The following PELI2 variants were observed in gnomAD, a reference collection of about 807,000 sequenced individuals.
The protein encoded by PELI2 is E3 ubiquitin-protein ligase pellino homolog 2.
In PELI2, 23 loss-of-function variants were observed where a neutral mutation model predicts 42.3. That is an observed-to-expected ratio of 0.54 (90% CI 0.39 to 0.77). The LOEUF is 0.77. Among genes scored for constraint, PELI2 ranks in the 30% least tolerant of loss-of-function variants. The pLI, the probability that PELI2 is intolerant of heterozygous loss-of-function variation, is 0.00. For missense variants in PELI2, 463 were observed against 553.2 expected (o/e 0.84, Z 1.64); for synonymous variants, 245 against 212.2 (o/e 1.15, Z -1.34).
At chr14:56,232,633 C>T (rs1040342368) in intron 2 of PELI2, among the ~76,000 whole-genome samples, 1 of 151,740 alleles carries the variant, frequency 6.6e-6, no homozygotes, top group Non-Finnish European at 1.5e-5. Flanking sequence ...CTATTTATGA[C>T]AAACCCCCAG....
At chr14:56,258,447 G>T (rs1029060375) in intron 2 of PELI2, among the ~76,000 whole-genome samples, 6 of 152,108 alleles carry the variant, frequency 3.9e-5, no homozygotes, top group Non-Finnish European at 8.8e-5. Flanking sequence ...AGACAAGAAG[G>T]TTAAAATAGC....
intron 1 of PELI2, among the ~76,000 whole-genome samples, chr14:56,159,720 C>T (rs1290222347): frequency 6.6e-6 from 1 of 151,944 alleles, no homozygotes; most frequent in Non-Finnish European, 1.5e-5. Flanking sequence ...ACTTAAGTGG[C>T]GATATTTTGG....
In PELI2 at chr14:56,298,837, G is replaced by A. The variant is rs1197903581; in HGVS notation, c.*1671G>A. The A allele has an allele frequency of 1.3e-5, 2 of 152,268 alleles. No individual in the cohort carries two copies. The highest frequency in any genetic ancestry group is 6.6e-5 in the Admixed American group (1 of 15,266). 9.4% of individuals were successfully genotyped at this position (152,268 alleles called of 1,614,324 possible). The stretch of plus-strand genomic sequence containing the variant: ...CATTGTTTAGGATGAGACATTTTTG[G>A]TTTTGGTTTTGTTTGGGTAAATTTT... On this transcript the variant is annotated 3_prime_UTR_variant, in exon 6 of 6. Transcript: ENST00000267460.
At chr14:56,200,849 ATTGT>A (rs1886309977) in intron 2 of PELI2, among the ~76,000 whole-genome samples, 1 of 152,062 alleles carries the variant, frequency 6.6e-6, no homozygotes, top group Non-Finnish European at 1.5e-5. Context: ...AAACATTCTG[ATTGT>A]TTGCCTCATA....
chr14:56,220,222 A>G (rs917594253), intron 2 of PELI2, among the ~76,000 whole-genome samples: 1 of 152,302 alleles, frequency 6.6e-6, no homozygotes, highest in Non-Finnish European at 1.5e-5. Flanking sequence ...GCAGTGGGCC[A>G]CACTGCAGGA....
chr14:56,234,563 G>C lies in PELI2; in HGVS notation c.208-45113G>C, dbSNP rs574232606. Among the ~76,000 whole-genome samples, 9 of 152,232 alleles carry C rather than the reference G, an allele frequency of 5.9e-5. No individual in the cohort carries two copies. The South Asian group carries it at 1.7e-3, about 28-fold the overall frequency. On this transcript the variant is annotated intron_variant, in intron 2 of 5. Transcript: ENST00000267460. ...GGGAATTGAACAATGAGAACACTTGGACACAGGGTGGGGAACATCGCACAC... is the reference window on the plus strand; with the variant it reads ...GGGAATTGAACAATGAGAACACTTGCACACAGGGTGGGGAACATCGCACAC...
intron 3 of PELI2, among the ~76,000 whole-genome samples, chr14:56,284,144 T>G (rs1889572395): frequency 6.6e-6 from 1 of 152,058 alleles, no homozygotes; most frequent in African/African-American, 2.4e-5. Context: ...ACTGTTGGAG[T>G]CAGTTAGTAG....
At chr14:56,213,627 A>G (rs372678232) in intron 2 of PELI2, among the ~76,000 whole-genome samples, 1 of 152,158 alleles carries the variant, frequency 6.6e-6, no homozygotes, top group African/African-American at 2.4e-5. Context: ...GTGTTTTAGG[A>G]TGGAGGAAGC....
chr14:56,186,758 T>G (rs1244705848), intron 2 of PELI2, among the ~76,000 whole-genome samples: 1 of 152,212 alleles, frequency 6.6e-6, no homozygotes, highest in Non-Finnish European at 1.5e-5. Flanking sequence ...TGATATACAG[T>G]AATTACAATT....
At chr14:56,126,593 T>C (rs1304741123) in intron 1 of PELI2, among the ~76,000 whole-genome samples, 1 of 152,196 alleles carries the variant, frequency 6.6e-6, no homozygotes, top group Non-Finnish European at 1.5e-5. Flanking sequence ...CGGCTGATCG[T>C]GATTACCAAG....
chr14:56,291,125 T>C (rs1040750971), intron 5 of PELI2, among the ~76,000 whole-genome samples: 7 of 152,226 alleles, frequency 4.6e-5, no homozygotes, highest in Non-Finnish European at 1.0e-4. Flanking sequence ...GATCTTGCCA[T>C]AGCCATGTAG....
intron 1 of PELI2, among the ~76,000 whole-genome samples, chr14:56,169,205 T>C (rs1415135721): frequency 6.6e-6 from 1 of 152,160 alleles, no homozygotes; most frequent in Admixed American, 6.5e-5. Context: ...AAGTATGTCA[T>C]GTGTCCCTCC....
intron 1 of PELI2, among the ~76,000 whole-genome samples, chr14:56,148,101 C>T (rs1019831187): frequency 3.3e-5 from 5 of 152,228 alleles, no homozygotes; most frequent in African/African-American, 1.2e-4. Flanking sequence ...GGGCAGCTGG[C>T]ACTATAAGCT....
At chr14:56,287,511 T>A (rs964033836) in intron 3 of PELI2, among the ~76,000 whole-genome samples, 5 of 152,218 alleles carry the variant, frequency 3.3e-5, no homozygotes, top group Non-Finnish European at 7.3e-5. Context: ...GATTTTACAT[T>A]GCATTTTTTA....
At chr14:56,198,916 CTTTAT>C in intron 2 of PELI2, among the ~76,000 whole-genome samples, 1 of 152,194 alleles carries the variant, frequency 6.6e-6, no homozygotes, top group South Asian at 2.1e-4. Context: ...ATAATGTTCA[CTTTAT>C]TTTAATCATT....
rs146161573 is a variant in PELI2, at chr14:56,289,253, C to T, written c.507+619C>T. On this transcript the variant is annotated intron_variant, in intron 4 of 5. Transcript: ENST00000267460. ...TAAGAAGTGCCGATGAAGGCCAGCT[C>T]CAGGGTTGGTGGTTCAGTGGTTCTG... 6.8e-3 allele frequency among the ~76,000 whole-genome samples: 1,029 copies of T among 152,230 alleles called. 12 individuals are homozygous for T. Among genetic ancestry groups the T allele is most frequent in the African/African-American group, 0.024 (979 of 41,530 alleles).
chr14:56,227,789 A>G (rs1375660370), intron 2 of PELI2, among the ~76,000 whole-genome samples: 1 of 152,220 alleles, frequency 6.6e-6, no homozygotes, highest in African/African-American at 2.4e-5. Flanking sequence ...AGTACAAAAT[A>G]GACCTGAACA....
chr14:56,244,438 A>G (rs1252141327), intron 2 of PELI2, among the ~76,000 whole-genome samples: 3 of 152,208 alleles, frequency 2.0e-5, no homozygotes, highest in Admixed American at 6.5e-5. Flanking sequence ...CGAGGGAGAA[A>G]TGTTCAGTGA....
At chr14:56,196,914 A>G (rs1886151738) in intron 2 of PELI2, among the ~76,000 whole-genome samples, 2 of 152,114 alleles carry the variant, frequency 1.3e-5, no homozygotes, top group South Asian at 4.1e-4. Flanking sequence ...GAATTTTCTC[A>G]CTTAAGCTTT....
Sources: gnomAD v4.1 joint callset for allele counts (sites outside exome capture counted in the v4.1 genomes callset) on GRCh38, gnomAD v4.1.1 for gene constraint, MANE v1.5 for transcripts, NCBI Gene and HGNC (gene_info 2026-07-23, HGNC 2026-07-21) for gene names.